Variants in HKDC1 observed in about 807,000 individuals in gnomAD.
HKDC1 encodes the protein hexokinase HKDC1.
HKDC1 carries 66 observed loss-of-function variants against 96.6 expected under a neutral mutation model. The observed-to-expected ratio is 0.68, with a 90% confidence interval of 0.56 to 0.84. The LOEUF (loss-of-function observed/expected upper bound fraction) is 0.84. Among genes scored for constraint, HKDC1 ranks in the 40% least tolerant of loss-of-function variants. HKDC1 has a pLI of 0.00. For synonymous variants in HKDC1, 466 were observed against 473.1 expected (o/e 0.98, Z 0.20); for missense variants, 1,211 against 1,208.1 (o/e 1.00, Z -0.04).
intron 12 of HKDC1, among the ~76,000 whole-genome samples, chr10:69,251,132 T>C (rs1252429898): frequency 2.1e-5 from 3 of 145,046 alleles, no homozygotes; most frequent in African/African-American, 7.7e-5. Flanking sequence ...TTTGCTCTTG[T>C]CACCCAGGCT....
rs767858149 is a variant in HKDC1 at position 69,265,831 on chromosome 10, A to G, written c.2606+13A>G. 30 of 1,595,230 alleles carry G rather than the reference A, an allele frequency of 1.9e-5. No individual in the cohort carries two copies. Among genetic ancestry groups the G allele is most frequent in the Non-Finnish European group, 2.4e-5 (28 of 1,166,144 alleles). On this transcript the variant is annotated intron_variant, in intron 17 of 17. Coordinates refer to ENST00000354624, the MANE Select transcript of HKDC1 (RefSeq NM_025130.4). ...AGCTGCACCCTCAGTGAGTGCCCAC[A>G]AGAGGCGTGGCGGGTGGGGCTGGGG...
In HKDC1 at chr10:69,221,240, C is replaced by T. The variant is rs535063123; in HGVS notation, c.63+742C>T. On this transcript the variant is annotated intron_variant, in intron 1 of 17. Transcript: ENST00000354624. ...GCAAGAAGGTGTGAGTTGCAATAGA[C>T]AGTAATTGAAATATCTATTATTGGC... is the stretch of plus-strand genomic sequence containing the variant. Among the ~76,000 whole-genome samples, 12 of 152,266 alleles carry T rather than the reference C, an allele frequency of 7.9e-5. 1 individual carries two copies. In the South Asian group the frequency reaches 2.3e-3, roughly 29 times the overall value.
intron 12 of HKDC1, among the ~76,000 whole-genome samples, chr10:69,252,318 CCTGGGCAA>C (rs1344793854): frequency 6.6e-6 from 1 of 151,798 alleles, no homozygotes; most frequent in Non-Finnish European, 1.5e-5. Context: ...TCAAGACCAG[CCTGGGCAA>C]CATAGTGAGA....
intron 5 of HKDC1, among the ~76,000 whole-genome samples, chr10:69,239,736 C>T (rs7085830): frequency 0.094 from 14,119 of 150,428 alleles, 841 homozygotes; most frequent in East Asian, 0.17. Flanking sequence ...TGTTTTATAG[C>T]CTGCATTTTC....
chr10:69,261,209 CA>C lies in HKDC1; in HGVS notation c.2288del (p.Gln763ArgfsTer56). On this transcript the variant is annotated frameshift_variant, in exon 16 of 18. Coordinates refer to ENST00000354624, the MANE Select transcript of HKDC1 (RefSeq NM_025130.4). LOFTEE classifies it high-confidence loss of function. Reference protein sequence around the residue: ...VRQILIDLTKQGLLFRGQISE... With the variant: ...VRQILIDLTKXGLLFRGQISE... ...GCAGATCCTGATCGACCTGACCAAG[CA>C]GGGTCTCCTCTTCCGAGGGCAGATT... 6.2e-7 allele frequency: 1 copy of C among 1,614,024 alleles called. No homozygotes were observed. The highest frequency in any genetic ancestry group is 8.5e-7 in the Non-Finnish European group (1 of 1,179,916).
intron 6 of HKDC1, among the ~76,000 whole-genome samples, chr10:69,241,216 T>A (rs951797070): frequency 1.3e-5 from 2 of 152,080 alleles, no homozygotes; most frequent in Admixed American, 6.6e-5. Flanking sequence ...AGGGAGTCCC[T>A]GCCAAAGGAA....
At chr10:69,239,660 T>C (rs912129245) in intron 5 of HKDC1, among the ~76,000 whole-genome samples, 31 of 152,298 alleles carry the variant, frequency 2.0e-4, no homozygotes, top group Admixed American at 1.6e-3. Context: ...CTTGTTGCCC[T>C]GACAGCAAGA....
intron 10 of HKDC1, 34 bp downstream of exon 10, chr10:69,248,762 A>G: frequency 6.5e-7 from 1 of 1,538,612 alleles, no homozygotes; most frequent in Non-Finnish European, 8.8e-7. Context: ...CTGAACAGCC[A>G]TCCAGGGCTC....
intron 7 of HKDC1, among the ~76,000 whole-genome samples, chr10:69,245,400 C>G (rs1266775305): frequency 6.7e-6 from 1 of 149,884 alleles, no homozygotes; most frequent in Non-Finnish European, 1.5e-5. Context: ...GCCTAGGCAA[C>G]ATAATTAGAT....
chr10:69,224,015 C>A (rs962956270), intron 1 of HKDC1, among the ~76,000 whole-genome samples: 3 of 151,038 alleles, frequency 2.0e-5, no homozygotes, highest in Admixed American at 6.6e-5. Context: ...TCGAGACCAG[C>A]CTGGATAACA....
chr10:69,242,555 T>C (rs1342212980), intron 6 of HKDC1, among the ~76,000 whole-genome samples: 1 of 151,212 alleles, frequency 6.6e-6, no homozygotes, highest in African/African-American at 2.4e-5. Context: ...ATCACCACAA[T>C]CCGATTTTAG....
intron 16 of HKDC1, chr10:69,262,049 T>C: frequency 2.4e-6 from 1 of 423,990 alleles, no homozygotes; most frequent in Non-Finnish European, 4.7e-6. Flanking sequence ...CTGTCTCTCT[T>C]TCTTTTAGGA....
At chr10:69,233,910 A>AAAAAAAAAAAG (rs71035079) in intron 4 of HKDC1, among the ~76,000 whole-genome samples, 2 of 142,976 alleles carry the variant, frequency 1.4e-5, no homozygotes, top group African/African-American at 5.2e-5. Context: ...AAAAAAAAAA[A>AAAAAAAAAAAG]GGAATGGGGG....
At chr10:69,226,627 C>T (rs542080310) in intron 1 of HKDC1, among the ~76,000 whole-genome samples, 2 of 151,722 alleles carry the variant, frequency 1.3e-5, no homozygotes, top group South Asian at 2.1e-4. Context: ...TGCACTCCAG[C>T]CTGGGCGACA....
Position 69,267,009 on chromosome 10 carries a change from T to A in HKDC1, c.*252T>A, listed in dbSNP as rs1843912865. 2.8e-6 allele frequency: 1 copy of A among 353,794 alleles called. No homozygotes were observed. The highest frequency in any genetic ancestry group is 5.1e-6 in the Non-Finnish European group (1 of 195,342). The allele number at this position is 353,794 out of a possible 1,614,324, so 21.9% of individuals were successfully genotyped here. A position where few individuals can be genotyped will look rare whatever the true frequency, so the allele number is the denominator to read the frequency against. On this transcript the variant is annotated 3_prime_UTR_variant, in exon 18 of 18. Coordinates refer to ENST00000354624, the MANE Select transcript of HKDC1 (RefSeq NM_025130.4). ...AAATCAAAGTGTCTGTCCTGAGAGATCCCCTTTCAACACATTGTTCAGGTG... is the reference window on the plus strand; with the variant it reads ...AAATCAAAGTGTCTGTCCTGAGAGAACCCCTTTCAACACATTGTTCAGGTG...
chr10:69,265,769 C>A lies in HKDC1; in HGVS notation c.2557C>A (p.Leu853Met). 2 of 1,613,582 alleles carry A rather than the reference C, an allele frequency of 1.2e-6. No individual in the cohort carries two copies. The highest frequency in any genetic ancestry group is 1.3e-5 in the African/African-American group (1 of 75,018). Residue 853 changes from leucine to methionine, a missense_variant, in exon 17 of 18, where the codon CTG becomes ATG. Coordinates refer to ENST00000354624, the MANE Select transcript of HKDC1 (RefSeq NM_025130.4). Reference sequence around the variant, plus strand: ...GAGAGAAGACCAGGGGCTAGAGCACCTGAGGATCACTGTGGGTGTGGACGG... The same window carrying A: ...GAGAGAAGACCAGGGGCTAGAGCACATGAGGATCACTGTGGGTGTGGACGG... ...KRREDQGLEH[L>M]RITVGVDGTL...
In HKDC1 at chr10:69,233,121, T is replaced by G. The variant is rs1306056606; in HGVS notation, c.483T>G (p.Thr161=). 1 of 1,613,888 alleles carries G rather than the reference T, an allele frequency of 6.2e-7. No homozygotes were observed. Among genetic ancestry groups the G allele is most frequent in the East Asian group, 2.2e-5 (1 of 44,900 alleles). Reference sequence around the variant, plus strand: ...CTTTTTCTTTCCCCTGTCGACAGACTAAACTGGAAGAGGTAAGGCGCGGAG... The same window carrying G: ...CTTTTTCTTTCCCCTGTCGACAGACGAAACTGGAAGAGGTAAGGCGCGGAG... ...GLTFSFPCRQ[T]KLEEGVLLSW... The change falls in exon 4 of 18, where the codon ACT becomes ACG. Residue 161 remains threonine (T), a synonymous_variant. Coordinates refer to ENST00000354624, the MANE Select transcript of HKDC1 (RefSeq NM_025130.4).
intron 9 of HKDC1, among the ~76,000 whole-genome samples, chr10:69,247,926 A>C (rs1240650912): frequency 6.6e-6 from 1 of 152,084 alleles, no homozygotes; most frequent in Non-Finnish European, 1.5e-5. Context: ...AACACCTACT[A>C]TGTGGTTAAG....
intron 12 of HKDC1, among the ~76,000 whole-genome samples, chr10:69,256,623 G>T (rs938608896): frequency 6.6e-6 from 1 of 152,112 alleles, no homozygotes; most frequent in African/African-American, 2.4e-5. Flanking sequence ...CAGGAGAATT[G>T]CTTGAACCCG....
Sources: allele counts gnomAD v4.1 joint callset (sites outside exome capture counted in the v4.1 genomes callset), GRCh38; gene constraint gnomAD v4.1.1; transcripts MANE v1.5; gene names NCBI Gene and HGNC (gene_info 2026-07-23, HGNC 2026-07-21).